DNAH8: variants seen among roughly 807,000 people sequenced by gnomAD.
DNAH8 encodes dynein axonemal heavy chain 8.
A neutral mutation model predicts 562.1 loss-of-function variants in DNAH8; 382 were observed. The ratio of observed to expected loss-of-function variants is 0.68; its 90% CI spans 0.63 to 0.74. DNAH8 has a LOEUF of 0.74. Among genes scored for constraint, DNAH8 ranks in the 30% least tolerant of loss-of-function variants. The probability of loss-of-function intolerance (pLI) is 0.00; values close to 1 mark genes in which losing one functional copy is unlikely to be tolerated. For synonymous variants in DNAH8, 1,881 were observed against 1,919.4 expected, an observed-to-expected ratio of 0.98 and a Z score of 0.52; for missense variants, 5,203 against 5,620.4, an observed-to-expected ratio of 0.93 and a Z score of 2.37.
chr6:39,012,259 C>T lies in DNAH8; in HGVS notation c.13416C>T (p.Asn4472=), dbSNP rs1561974701. 6.2e-7 allele frequency: 1 copy of T among 1,611,350 alleles called. No individual in the cohort carries two copies. The highest frequency in any genetic ancestry group is 1.1e-5 in the South Asian group (1 of 90,928). The change falls in exon 90 of 93, where the codon AAC becomes AAT. Residue 4472 remains asparagine (N), a synonymous_variant. Transcript: ENST00000327475. ...LIKMGHLNSM[N]IFLRQEIDRM... is the part of the protein sequence containing the mutation. ...AGATGGGCCATCTTAATTCAATGAA[C>T]ATATTTCTTAGACAAGAAATTGACA...
intron 27 of DNAH8, 83 bp from the exon 28 acceptor site, chr6:38,823,479 T>A: frequency 9.2e-7 from 1 of 1,089,696 alleles, no homozygotes; most frequent in Admixed American, 1.9e-5. Context: ...TAAATGTGTA[T>A]GAGCAAATGC....
intron 61 of DNAH8, 34 bp from the exon 62 acceptor site, chr6:38,899,742 T>G (rs1779949302): frequency 6.2e-7 from 1 of 1,610,764 alleles, no homozygotes; most frequent in African/African-American, 1.3e-5. Flanking sequence ...TTGCATTCTT[T>G]TTTCAAATAA....
At chr6:38,942,172 C>T (rs554600230) in intron 79 of DNAH8, among the ~76,000 whole-genome samples, 67 of 149,780 alleles carry the variant, frequency 4.5e-4, no homozygotes, top group African/African-American at 1.6e-3. Context: ...TTCTAAGCCA[C>T]CCAGCGTATG....
chr6:38,875,861 G>T, intron 53 of DNAH8, 33 bp downstream of exon 53: 1 of 1,416,966 alleles, frequency 7.1e-7, no homozygotes, highest in Non-Finnish European at 9.8e-7. Flanking sequence ...TAAATGAAAT[G>T]ACTTTTTTCA....
Position 38,845,775 on chromosome 6 carries a change from T to C in DNAH8, c.5045+2T>C, listed in dbSNP as rs1775249647. ...CTTAGGGTCTTTACTCAGCAACAGG[T>C]AATTTTATAATTTGAGAGAGAGATT... On this transcript the variant is annotated splice_donor_variant, in intron 36 of 92. Coordinates refer to ENST00000327475, the MANE Select transcript of DNAH8 (RefSeq NM_001206927.2). LOFTEE classifies it high-confidence loss of function. 6.2e-7 allele frequency: 1 copy of C among 1,603,718 alleles called. No individual in the cohort carries two copies.
chr6:38,850,844 T>C (rs1775686077), intron 38 of DNAH8, among the ~76,000 whole-genome samples: 1 of 152,184 alleles, frequency 6.6e-6, no homozygotes, highest in Non-Finnish European at 1.5e-5. Context: ...CTTCTCCTCT[T>C]CCTGTGTGTC....
chr6:38,774,059 G>A (rs1170522280), intron 12 of DNAH8, among the ~76,000 whole-genome samples: 2 of 152,176 alleles, frequency 1.3e-5, no homozygotes, highest in Admixed American at 1.3e-4. Context: ...TTTTATGGCA[G>A]GTATAGACTT....
In DNAH8 at chr6:38,913,941, A is replaced by G; in HGVS notation, c.9952A>G (p.Lys3318Glu). ...GAAGGAGTTGGCAGTGGCTTCCATA[A>G]AAGCAGACGAAGTGAGTTTGCATTT... ...KEKELAVASI[K>E]ADEVLAEVTV... Residue 3318 changes from lysine to glutamate, a missense_variant, in exon 67 of 93, where the codon AAA becomes GAA. Around this residue, in one of 6 missense-constraint regions of DNAH8, gnomAD observed 977 missense variants for 1,061.8 expected, o/e 0.92. Coordinates refer to ENST00000327475, the MANE Select transcript of DNAH8 (RefSeq NM_001206927.2). The G allele has an allele frequency of 6.2e-7, 1 of 1,611,580 alleles. No homozygotes were observed. Among genetic ancestry groups the G allele is most frequent in the Admixed American group, 1.7e-5 (1 of 59,986 alleles).
At chr6:38,982,045 A>G (rs1417171994) in intron 85 of DNAH8, among the ~76,000 whole-genome samples, 1 of 152,176 alleles carries the variant, frequency 6.6e-6, no homozygotes, top group Non-Finnish European at 1.5e-5. Flanking sequence ...CATGCTGCAC[A>G]GGTTTGTAGC....
intron 77 of DNAH8, among the ~76,000 whole-genome samples, chr6:38,936,076 T>C (rs12663054): frequency 0.47 from 70,800 of 150,880 alleles, 17,338 homozygotes; most frequent in Non-Finnish European, 0.54. Context: ...AAGCCAGACG[T>C]GGTGGCTCAT....
At chr6:38,776,469 C>T (rs974757067) in intron 13 of DNAH8, among the ~76,000 whole-genome samples, 1 of 152,142 alleles carries the variant, frequency 6.6e-6, no homozygotes, top group African/African-American at 2.4e-5. Context: ...TCACCCACCT[C>T]GGCCTCCCAA....
At chr6:38,879,999 T>C (rs1778343847) in intron 53 of DNAH8, among the ~76,000 whole-genome samples, 1 of 152,146 alleles carries the variant, frequency 6.6e-6, no homozygotes, top group Non-Finnish European at 1.5e-5. Context: ...TCCCAGCCCT[T>C]TGGGAGGCCG....
intron 91 of DNAH8, among the ~76,000 whole-genome samples, chr6:39,020,701 G>A (rs1187169662): frequency 6.6e-6 from 1 of 152,080 alleles, no homozygotes. Flanking sequence ...CTCAGTGTGT[G>A]TGTTCCCTTC....
intron 33 of DNAH8, 146 bp from the exon 34 acceptor site, chr6:38,842,222 A>G: frequency 2.0e-6 from 1 of 512,240 alleles, no homozygotes; most frequent in Non-Finnish European, 3.2e-6. Context: ...TGTATTGAAA[A>G]TGGATATAGT....
At chr6:38,901,717 C>T (rs540418559) in intron 62 of DNAH8, among the ~76,000 whole-genome samples, 1 of 152,146 alleles carries the variant, frequency 6.6e-6, no homozygotes, top group South Asian at 2.1e-4. Context: ...TATAAACAAA[C>T]ACACAAATCA....
intron 4 of DNAH8, 148 bp from the exon 5 acceptor site, chr6:38,734,326 A>AGC: frequency 8.9e-6 from 4 of 448,806 alleles, no homozygotes; most frequent in South Asian, 8.1e-5. Flanking sequence ...CTTCTAGTAG[A>AGC]CCCCCCCCCA....
Position 38,738,007 on chromosome 6 carries a change from A to C in DNAH8, c.1116+35A>C, listed in dbSNP as rs201992245. ...CTCAAACAATTGCATCTGGACTAGT[A>C]GTTTTCATGTGCATCCTAGCCATTG... On this transcript the variant is annotated intron_variant, in intron 7 of 92. Transcript: ENST00000327475. The C allele has an allele frequency of 5.0e-4, 803 of 1,595,272 alleles. 5 individuals carry two copies. In the African/African-American group the frequency reaches 0.01, roughly 20 times the overall value.
At chr6:38,895,532 C>T (rs1779618301) in intron 59 of DNAH8, among the ~76,000 whole-genome samples, 1 of 152,106 alleles carries the variant, frequency 6.6e-6, no homozygotes, top group Non-Finnish European at 1.5e-5. Flanking sequence ...GTTAAACAAT[C>T]CCATTAAAGT....
At chr6:38,943,184 A>T (rs982995730) in intron 79 of DNAH8, among the ~76,000 whole-genome samples, 2 of 152,190 alleles carry the variant, frequency 1.3e-5, no homozygotes, top group African/African-American at 4.8e-5. Flanking sequence ...CTTTAAGAAG[A>T]TTAATTTGGG....
Sources: gnomAD v4.1 joint callset for allele counts (sites outside exome capture counted in the v4.1 genomes callset) on GRCh38, gnomAD v4.1.1 for gene constraint, gnomAD v4.1.1 regional missense constraint, MANE v1.5 for transcripts, NCBI Gene and HGNC (gene_info 2026-07-23, HGNC 2026-07-21) for gene names.